Variants in FBRSL1 observed in about 807,000 individuals in gnomAD.
The protein encoded by FBRSL1 is fibrosin-1-like protein.
A neutral mutation model predicts 89.6 loss-of-function variants in FBRSL1; 51 were observed. The observed-to-expected ratio is 0.57, with a 90% CI of 0.45 to 0.72. The LOEUF is 0.72. Ranked by LOEUF, FBRSL1 falls within the 30% of genes least tolerant of loss-of-function variation. The probability of loss-of-function intolerance (pLI) is 0.00; values close to 1 mark genes in which losing one functional copy is unlikely to be tolerated. For synonymous variants in FBRSL1, 779 were observed against 681.1 expected, an observed-to-expected ratio of 1.14 and a Z score of -2.24; for missense variants, 1,618 against 1,451.8, an observed-to-expected ratio of 1.11 and a Z score of -1.86.
intron 15 of FBRSL1, among the ~76,000 whole-genome samples, chr12:132,577,458 T>C (rs1379306226): frequency 1.3e-5 from 2 of 152,100 alleles, no homozygotes; most frequent in Non-Finnish European, 2.9e-5. Context: ...CCAGTGCCCC[T>C]TCCTCACATG....
At chr12:132,495,642 C>T (rs1421307453) in intron 1 of FBRSL1, among the ~76,000 whole-genome samples, 2 of 152,226 alleles carry the variant, frequency 1.3e-5, no homozygotes, top group Non-Finnish European at 2.9e-5. Flanking sequence ...CCGGGGCCTG[C>T]CCTGTGACAA....
At position 132,574,080 on chromosome 12, in the gene FBRSL1, C is replaced by A; in HGVS notation, c.1531-10C>A. 1 of 1,288,302 alleles carries A rather than the reference C, an allele frequency of 7.8e-7. No homozygotes were observed. The allele number at this position is 1,288,302 out of a possible 1,614,324, so 79.8% of individuals were successfully genotyped here. On this transcript the variant is annotated splice_polypyrimidine_tract_variant and intron_variant, in intron 11 of 18. Coordinates refer to ENST00000680143, the MANE Select transcript of FBRSL1 (RefSeq NM_001367871.1). ...CCAGGCGCACACAAGCTGTCTCTTT[C>A]TCCCCTCAGACTTCAAGCCCCATTG...
At position 132,501,806 on chromosome 12, in the gene FBRSL1, G is replaced by C. The variant is rs865807271; in HGVS notation, c.292-6347G>C. Among the ~76,000 whole-genome samples, 7 of 152,282 alleles carry C rather than the reference G, an allele frequency of 4.6e-5. No homozygotes were observed. In the Middle Eastern group the frequency reaches 0.017, roughly 370 times the overall value. ...CAGCATGCAGGGCGGCTGAGCAGGAGCTGGCGGGGAGCAGGACACCCAGGC... is the reference window on the plus strand; with the variant it reads ...CAGCATGCAGGGCGGCTGAGCAGGACCTGGCGGGGAGCAGGACACCCAGGC... On this transcript the variant is annotated intron_variant, in intron 1 of 18. Transcript: ENST00000680143.
intron 2 of FBRSL1, chr12:132,511,818 C>T (rs2034371875): frequency 1.0e-6 from 1 of 985,144 alleles, no homozygotes; most frequent in Non-Finnish European, 1.2e-6. Context: ...CTGCTTTGGC[C>T]TCCGGGCCCC....
rs184050468 is a variant in FBRSL1, at chr12:132,490,975, C to G, written c.291+114C>G. 16 of 842,520 alleles carry G rather than the reference C, an allele frequency of 1.9e-5. No individual in the cohort carries two copies. In the Admixed American group the frequency reaches 8.6e-4, roughly 45 times the overall value. 52.2% of individuals were successfully genotyped at this position (842,520 alleles called of 1,614,324 possible). ...GCGACCGCCCGCGCCGTGGGCAGCC[C>G]TGAGGGAAGCCCCGGCCACTTGGTA... is the stretch of plus-strand genomic sequence containing the variant. On this transcript the variant is annotated intron_variant, in intron 1 of 18. Transcript: ENST00000680143.
intron 5 of FBRSL1, among the ~76,000 whole-genome samples, chr12:132,560,550 G>A (rs962946523): frequency 6.6e-6 from 1 of 152,122 alleles, no homozygotes; most frequent in Non-Finnish European, 1.5e-5. Context: ...CCGGGTTCCC[G>A]GCGCCGCGCT....
At chr12:132,562,106 G>C (rs74961352) in intron 5 of FBRSL1, among the ~76,000 whole-genome samples, 16,904 of 152,242 alleles carry the variant, frequency 0.11, 2,040 homozygotes, top group African/African-American at 0.3. Flanking sequence ...TCCTGTTTCC[G>C]ATGCTGGGAT....
intron 1 of FBRSL1, among the ~76,000 whole-genome samples, chr12:132,502,368 A>G (rs888537512): frequency 2.0e-5 from 3 of 152,134 alleles, no homozygotes; most frequent in African/African-American, 7.2e-5. Flanking sequence ...CCCGGCCCTT[A>G]TGGCCACCCA....
intron 4 of FBRSL1, among the ~76,000 whole-genome samples, chr12:132,534,219 C>A (rs1232113892): frequency 1.3e-5 from 2 of 152,210 alleles, no homozygotes; most frequent in Non-Finnish European, 2.9e-5. Flanking sequence ...CTGCCGTCCG[C>A]CTCCACTCCA....
chr12:132,559,976 G>C (rs1388293768), intron 5 of FBRSL1: 1 of 147,614 alleles, frequency 6.8e-6, no homozygotes, highest in African/African-American at 2.4e-5. Context: ...CCAGCTCCGC[G>C]CCCGCCGCCT....
Position 132,538,649 on chromosome 12 carries a change from G to A in FBRSL1, c.616-9354G>A, listed in dbSNP as rs2036960719. Among the ~76,000 whole-genome samples, 3 of 152,334 alleles carry A rather than the reference G, an allele frequency of 2.0e-5. No individual in the cohort carries two copies. The South Asian group carries it at 6.2e-4, about 32-fold the overall frequency. Reference sequence around the variant, plus strand: ...TGGGGAGGGTGCACAGGCAAGTCCGGCTCTGGCGTGTCTGCTCCAGAGCCT... The same window carrying A: ...TGGGGAGGGTGCACAGGCAAGTCCGACTCTGGCGTGTCTGCTCCAGAGCCT... On this transcript the variant is annotated intron_variant, in intron 4 of 18. Transcript: ENST00000680143.
At chr12:132,518,792 GTCCA>G (rs2035086929) in intron 2 of FBRSL1, among the ~76,000 whole-genome samples, 2 of 142,134 alleles carry the variant, frequency 1.4e-5, no homozygotes, top group East Asian at 4.3e-4. Flanking sequence ...CTACCTGTCT[GTCCA>G]TCCATCCACC....
chr12:132,509,483 G>A (rs1023572793), intron 2 of FBRSL1: 63 of 1,240,184 alleles, frequency 5.1e-5, no homozygotes, highest in Non-Finnish European at 6.0e-5. Flanking sequence ...AGCCCCAGCG[G>A]TCACGCCCGG....
At chr12:132,516,772 C>T (rs2034881790) in intron 2 of FBRSL1, among the ~76,000 whole-genome samples, 1 of 152,220 alleles carries the variant, frequency 6.6e-6, no homozygotes, top group Admixed American at 6.5e-5. Flanking sequence ...GACCAGGATT[C>T]AAGCCCAGCG....
At chr12:132,571,502 C>T (rs1377311091) in intron 9 of FBRSL1, 8 of 1,512,650 alleles carry the variant, frequency 5.3e-6, no homozygotes, top group East Asian at 2.5e-5. Flanking sequence ...CTGCCCCCGA[C>T]GCCGCCCGCC....
rs1593628880 is a variant in FBRSL1 at position 132,584,463 on chromosome 12, T to G, written c.*685T>G. The stretch of plus-strand genomic sequence containing the variant: ...CCGTTTCCAGAAACCCCTCTGGTTG[T>G]TTGTCTAACATGGTCACAAAAACCC... On this transcript the variant is annotated 3_prime_UTR_variant, in exon 19 of 19. Transcript: ENST00000680143. The G allele has an allele frequency of 1.3e-5, 2 of 152,242 alleles. No homozygotes were observed. Among genetic ancestry groups the G allele is most frequent in the South Asian group, 2.1e-4 (1 of 4,836 alleles). The allele number at this position is 152,242 out of a possible 1,614,324, so 9.4% of individuals were successfully genotyped here.
intron 5 of FBRSL1, among the ~76,000 whole-genome samples, chr12:132,548,615 T>C (rs963325471): frequency 6.6e-6 from 1 of 152,190 alleles, no homozygotes; most frequent in Non-Finnish European, 1.5e-5. Flanking sequence ...GCTCTCCTTC[T>C]GCCCCGCTTG....
At position 132,508,297 on chromosome 12, in the gene FBRSL1, C is replaced by G; in HGVS notation, c.436C>G (p.Leu146Val). Residue 146 changes from leucine to valine, a missense_variant, in exon 2 of 19, where the codon CTC becomes GTC. Coordinates refer to ENST00000680143, the MANE Select transcript of FBRSL1 (RefSeq NM_001367871.1). ...PLEAGSPGQDLEPACDGARKV... is the reference protein window; with the variant it reads ...PLEAGSPGQDVEPACDGARKV... ...GGAGGCAGGCAGCCCCGGGCAGGACCTCGAACCCGCCTGCGATGGGGCGAG... is the reference window on the plus strand; with the variant it reads ...GGAGGCAGGCAGCCCCGGGCAGGACGTCGAACCCGCCTGCGATGGGGCGAG... The G allele has an allele frequency of 6.5e-7, 1 of 1,549,270 alleles. No homozygotes were observed. The highest frequency in any genetic ancestry group is 8.7e-7 in the Non-Finnish European group (1 of 1,146,458).
In FBRSL1 at chr12:132,546,528, G is replaced by A. The variant is rs1456656693; in HGVS notation, c.616-1475G>A. ...CAGACCGGGGGGACCCTAGGAGAGG[G>A]CTTGGCCACGGCTGAAAGGCCAGAC... is the stretch of plus-strand genomic sequence containing the variant. On this transcript the variant is annotated intron_variant, in intron 4 of 18. Transcript: ENST00000680143. This position sits in a 1 kb window ranked among gnomAD's most constrained non-coding sequence, Gnocchi z 4.0. 2.0e-5 allele frequency among the ~76,000 whole-genome samples: 3 copies of A among 151,280 alleles called. No individual in the cohort carries two copies. The highest frequency in any genetic ancestry group is 7.3e-5 in the African/African-American group (3 of 41,124).
Sources: allele counts gnomAD v4.1 joint callset (sites outside exome capture counted in the v4.1 genomes callset), GRCh38; gene constraint gnomAD v4.1.1; non-coding constraint Gnocchi (gnomAD v3.1); transcripts MANE v1.5; gene names NCBI Gene and HGNC (gene_info 2026-07-23, HGNC 2026-07-21).